Variants in ZNF324B observed in about 807,000 individuals in gnomAD.
ZNF324B encodes zinc finger protein 324B.
A neutral mutation model predicts 10.6 loss-of-function variants in ZNF324B; 7 were observed. The observed-to-expected ratio is 0.66, with a 90% CI of 0.38 to 1.24. The LOEUF (loss-of-function observed/expected upper bound fraction) is 1.24, where lower values mean the gene tolerates loss of function less well. Ranked by LOEUF, ZNF324B falls within the 50% of genes most tolerant of loss-of-function variation. The pLI is 0.02. For missense variants in ZNF324B, 640 were observed against 764.7 expected, an observed-to-expected ratio of 0.84 and a Z score of 1.92; for synonymous variants, 316 against 321.0, an observed-to-expected ratio of 0.98 and a Z score of 0.17.
upstream of ZNF324B, chr19:58,451,543 C>T: frequency 2.0e-6 from 1 of 508,002 alleles, no homozygotes; most frequent in Non-Finnish European, 3.9e-6. Flanking sequence ...ACCACATAAC[C>T]CAGAAGGCTG....
the ZNF324B span, chr19:58,433,157 G>C: frequency 1.4e-6 from 1 of 707,502 alleles, no homozygotes; most frequent in South Asian, 1.9e-5. Context: ...GCATGGGTGA[G>C]ATGGCCCTGC....
At chr19:58,442,005 T>G in the ZNF324B span, 1 of 152,344 alleles carries the variant, frequency 6.6e-6, no homozygotes, top group East Asian at 1.9e-4. Flanking sequence ...AAATCTAGGT[T>G]TTCCTCCGCC....
chr19:58,452,648 T>A (rs1329606828), intron 1 of ZNF324B: 19 of 963,748 alleles, frequency 2.0e-5, no homozygotes, highest in Non-Finnish European at 2.2e-5. Context: ...AGGGGAAAGA[T>A]CAAGAGTCTG....
At chr19:58,440,593 G>C in the ZNF324B span, 1 of 152,350 alleles carries the variant, frequency 6.6e-6, no homozygotes, top group Non-Finnish European at 1.5e-5. Flanking sequence ...CACGAGAGTC[G>C]GGGAAGTTCC....
the ZNF324B span, chr19:58,434,712 G>A: frequency 1.2e-6 from 2 of 1,614,216 alleles, no homozygotes; most frequent in Non-Finnish European, 1.7e-6. Context: ...TCTTCAGGAA[G>A]GCTTTTCCAC....
the ZNF324B span, chr19:58,441,891 TAGTG>T: frequency 5.3e-5 from 8 of 152,352 alleles, no homozygotes; most frequent in Admixed American, 4.6e-4. Flanking sequence ...TGGGGCTCCT[TAGTG>T]AGGTCCAAGG....
At chr19:58,431,150 T>C in the ZNF324B span, 5 of 152,230 alleles carry the variant, frequency 3.3e-5, no homozygotes. Context: ...TCACCATAAA[T>C]GGTCTACTGT....
the ZNF324B span, chr19:58,433,951 T>C: frequency 4.3e-6 from 7 of 1,614,124 alleles, no homozygotes; most frequent in Non-Finnish European, 5.9e-6. Context: ...GGTGGAGCTA[T>C]TACTGAAGGC....
the ZNF324B span, chr19:58,418,449 C>G: frequency 6.6e-6 from 1 of 151,748 alleles, no homozygotes; most frequent in African/African-American, 2.4e-5. Flanking sequence ...CTGCTTCAGC[C>G]TCCTGAGTAG....
chr19:58,431,171 T>C, the ZNF324B span: 1 of 152,244 alleles, frequency 6.6e-6, no homozygotes, highest in Admixed American at 6.5e-5. Flanking sequence ...TGGTGAAGGT[T>C]TGATCCACTC....
the ZNF324B span, among the ~76,000 whole-genome samples, chr19:58,438,797 G>T: frequency 6.9e-6 from 1 of 145,882 alleles, no homozygotes; most frequent in South Asian, 2.2e-4. Context: ...TTAAGACAGA[G>T]TCTCGCTCTG....
chr19:58,427,787 A>T, the ZNF324B span, among the ~76,000 whole-genome samples: 2 of 151,896 alleles, frequency 1.3e-5, no homozygotes, highest in Admixed American at 1.3e-4. Context: ...AGCTGGAAAC[A>T]GGCATGCCAC....
At chr19:58,434,131 C>G in the ZNF324B span, 2 of 1,613,248 alleles carry the variant, frequency 1.2e-6, no homozygotes, top group Middle Eastern at 1.7e-4. Flanking sequence ...GTTAAAAGCT[C>G]TTCCACATTC....
intron 2 of ZNF324B, 29 bp downstream of exon 2, chr19:58,453,851 G>A: frequency 1.9e-6 from 3 of 1,605,526 alleles, no homozygotes; most frequent in Non-Finnish European, 2.6e-6. Flanking sequence ...CATGAAAAGT[G>A]CACTTGGTGA....
Position 58,456,537 on chromosome 19 carries a change from G to A in ZNF324B, c.1593G>A (p.Arg531=), listed in dbSNP as rs766787444. Residue 531 remains arginine, a synonymous_variant, in exon 4 of 4, where the codon CGG becomes CGA. Coordinates refer to ENST00000336614, the MANE Select transcript of ZNF324B (RefSeq NM_207395.3). The surrounding 1 kb of genome is among the most constrained non-coding windows in gnomAD (Gnocchi z 4.7). ...FLQGHHRKVR[R]GGKPSPVLKP... ...AGGGACATCATCGGAAGGTGCGCCG[G>A]GGAGGGAAGCCAAGCCCAGTCCTGA... 2.5e-6 allele frequency: 4 copies of A among 1,614,062 alleles called. No individual in the cohort carries two copies. In the African/African-American group the frequency reaches 4.0e-5, roughly 16 times the overall value.
chr19:58,454,254 G>A lies in ZNF324B; in HGVS notation c.148G>A (p.Val50Ile). 6.2e-7 allele frequency: 1 copy of A among 1,614,072 alleles called. No homozygotes were observed. The highest frequency in any genetic ancestry group is 8.5e-7 in the Non-Finnish European group (1 of 1,179,954). The change falls in exon 3 of 4, where the codon GTC (valine) becomes ATC (isoleucine). Residue 50 changes from valine (V) to isoleucine (I), a missense_variant. Physicochemically the swap from Val to Ile is conservative, Grantham distance 29. Transcript: ENST00000336614. The stretch of plus-strand genomic sequence containing the variant: ...ACTCTCTACCTCCCGACCTCGTGTG[G>A]TCATTCAACTTGAGCGTGGCGAGGA... ...LGLSTSRPRV[V>I]IQLERGEEPW... is the part of the protein sequence containing the mutation.
At chr19:58,451,834 G>C (rs983618581) in intron 1 of ZNF324B, 130 bp downstream of exon 1, 17 of 282,706 alleles carry the variant, frequency 6.0e-5, no homozygotes, top group African/African-American at 3.8e-4. Context: ...CCAGGAGGCA[G>C]CGCATTGGGC....
the ZNF324B span, among the ~76,000 whole-genome samples, chr19:58,425,894 T>C: frequency 2.8e-3 from 434 of 152,360 alleles, no homozygotes; most frequent in African/African-American, 9.8e-3. Context: ...TTTCCACTGC[T>C]TTACTCACCT....
chr19:58,431,900 G>A, the ZNF324B span, among the ~76,000 whole-genome samples: 1 of 152,148 alleles, frequency 6.6e-6, no homozygotes, highest in Admixed American at 6.5e-5. Flanking sequence ...GCTGAGGCAG[G>A]AGAATGGCGT....
Sources: gnomAD v4.1 joint callset for allele counts (sites outside exome capture counted in the v4.1 genomes callset) on GRCh38, gnomAD v4.1.1 for gene constraint, Gnocchi (gnomAD v3.1) non-coding constraint, MANE v1.5 for transcripts, NCBI Gene and HGNC (gene_info 2026-07-23, HGNC 2026-07-21) for gene names.